GREB1L: variants seen among roughly 807,000 people sequenced by gnomAD.
The protein encoded by GREB1L is GREB1-like protein.
A neutral mutation model predicts 200.8 loss-of-function variants in GREB1L; 17 were observed. That is an observed-to-expected ratio of 0.08 (90% CI 0.06 to 0.13). GREB1L has a LOEUF of 0.13. Among genes scored for constraint, GREB1L ranks in the 10% least tolerant of loss-of-function variants. GREB1L has a pLI of 1.00. For missense variants in GREB1L, 1,657 were observed against 2,367.7 expected (o/e 0.70, Z 6.23); for synonymous variants, 789 against 893.0 (o/e 0.88, Z 2.08).
intron 15 of GREB1L, 181 bp downstream of exon 15, chr18:21,454,744 T>C (rs2034677544): frequency 4.8e-6 from 3 of 619,400 alleles, no homozygotes; most frequent in Middle Eastern, 5.2e-4. Context: ...ACTCTGTCCT[T>C]TTTCCCTCAA....
chr18:21,363,436 AT>A (rs2039612386), intron 1 of GREB1L, among the ~76,000 whole-genome samples: 1 of 151,574 alleles, frequency 6.6e-6, no homozygotes, highest in Admixed American at 6.6e-5. Context: ...ATTGTGTCAG[AT>A]TTTTTTTGTG....
chr18:21,300,679 T>C (rs1037423605), intron 1 of GREB1L, among the ~76,000 whole-genome samples: 1 of 152,216 alleles, frequency 6.6e-6, no homozygotes, highest in African/African-American at 2.4e-5. Flanking sequence ...GTGGCAGGTT[T>C]TATACTAGTA....
In GREB1L at chr18:21,490,298, G is replaced by C. The variant is rs1158330485; in HGVS notation, c.2977G>C (p.Gly993Arg). The C allele has an allele frequency of 9.7e-6, 15 of 1,551,766 alleles. No individual in the cohort carries two copies. Among genetic ancestry groups the C allele is most frequent in the Non-Finnish European group, 1.3e-5 (15 of 1,147,030 alleles). The change falls in exon 19 of 33, where the codon GGG (glycine) becomes CGG (arginine). Residue 993 changes from glycine (G) to arginine (R), a missense_variant. Transcript: ENST00000424526. ...GLQYRFEIIL[G>R]NPATELSVAT... ...GCAGTATCGGTTTGAGATCATCCTT[G>C]GGAACCCGGCCACCGAACTCAGTGT...
At chr18:21,475,854 A>G (rs1352106700) in intron 16 of GREB1L, among the ~76,000 whole-genome samples, 1 of 151,104 alleles carries the variant, frequency 6.6e-6, no homozygotes, top group Admixed American at 6.6e-5. Flanking sequence ...CTGTAATCCC[A>G]GCTACTAGGG....
At chr18:21,395,806 T>C (rs1362841471) in intron 5 of GREB1L, among the ~76,000 whole-genome samples, 1 of 151,678 alleles carries the variant, frequency 6.6e-6, no homozygotes, top group Non-Finnish European at 1.5e-5. Context: ...CTAGGCTCAC[T>C]GCAACCTCTG....
rs1432800128 is a variant in GREB1L at position 21,515,615 on chromosome 18, G to T, written c.5100G>T (p.Leu1700Phe). 1 of 1,551,476 alleles carries T rather than the reference G, an allele frequency of 6.4e-7. No individual in the cohort carries two copies. The change falls in exon 29 of 33, where the codon TTG (leucine) becomes TTT (phenylalanine). Residue 1700 changes from leucine (L) to phenylalanine (F), a missense_variant. This residue lies in a region of GREB1L where 151 missense variants were observed against 309.6 expected (regional missense o/e 0.49). Transcript: ENST00000424526. Reference sequence around the variant, plus strand: ...ATTTCATTCTCCTCAACACAGACTTGACTCAGAATGTGCAGTATGACTTCA... The same window carrying T: ...ATTTCATTCTCCTCAACACAGACTTTACTCAGAATGTGCAGTATGACTTCA... ...VHDFILLNTD[L>F]TQNVQYDFNR...
intron 1 of GREB1L, among the ~76,000 whole-genome samples, chr18:21,342,491 C>G (rs1478517260): frequency 3.3e-5 from 5 of 152,084 alleles, no homozygotes; most frequent in Non-Finnish European, 7.4e-5. Flanking sequence ...TTGCTTTAAG[C>G]TAATCTGCTT....
intron 1 of GREB1L, among the ~76,000 whole-genome samples, chr18:21,278,390 AAATAAATAAAT>A (rs1427874847): frequency 5.6e-4 from 49 of 87,262 alleles, no homozygotes; most frequent in African/African-American, 2.3e-3. Context: ...CAAAAAAAAA[AAATAAATAAAT>A]AAATAAATAA....
At chr18:21,377,891 C>A (rs1421970466) in intron 2 of GREB1L, among the ~76,000 whole-genome samples, 1 of 151,956 alleles carries the variant, frequency 6.6e-6, no homozygotes, top group African/African-American at 2.4e-5. Flanking sequence ...GCCTGGGCAA[C>A]AAGAGTATAA....
At chr18:21,409,713 A>G (rs543701357) in intron 7 of GREB1L, among the ~76,000 whole-genome samples, 39 of 152,296 alleles carry the variant, frequency 2.6e-4, no homozygotes, top group Non-Finnish European at 3.8e-4. Context: ...GAGTTCTGCT[A>G]TTAAGATACT....
intron 32 of GREB1L, among the ~76,000 whole-genome samples, chr18:21,521,239 G>A (rs1345160392): frequency 6.6e-6 from 1 of 151,418 alleles, no homozygotes; most frequent in East Asian, 1.9e-4. Flanking sequence ...GCCGGGCGTG[G>A]TGGCTCCTGT....
intron 1 of GREB1L, among the ~76,000 whole-genome samples, chr18:21,289,244 A>T (rs1253913105): frequency 6.6e-6 from 1 of 152,090 alleles, no homozygotes; most frequent in Non-Finnish European, 1.5e-5. Context: ...ACCAGAGAGG[A>T]TCTTCTGTAA....
chr18:21,504,107 T>C (rs981681478), intron 23 of GREB1L, among the ~76,000 whole-genome samples: 2 of 152,010 alleles, frequency 1.3e-5, no homozygotes, highest in African/African-American at 4.8e-5. Context: ...CTAATTTTGG[T>C]ATTTTTGGTA....
chr18:21,426,975 AAAAAAAAAAAAAC>A (rs1229313820), intron 7 of GREB1L, among the ~76,000 whole-genome samples: 3 of 77,152 alleles, frequency 3.9e-5, no homozygotes, highest in African/African-American at 1.2e-4. Context: ...AAAAAAAACA[AAAAAAAAAAAAAC>A]AAAAAAAAAA....
At chr18:21,456,949 T>G (rs1444023547) in intron 15 of GREB1L, among the ~76,000 whole-genome samples, 1 of 152,200 alleles carries the variant, frequency 6.6e-6, no homozygotes, top group Non-Finnish European at 1.5e-5. Context: ...GTATTTTACT[T>G]GTACCATTTG....
intron 1 of GREB1L, among the ~76,000 whole-genome samples, chr18:21,333,068 G>C (rs1480022165): frequency 1.3e-5 from 2 of 151,996 alleles, no homozygotes; most frequent in Non-Finnish European, 2.9e-5. Context: ...CTGGGTGACA[G>C]AGACCCTATG....
chr18:21,491,741 G>A (rs2145863813), intron 19 of GREB1L, among the ~76,000 whole-genome samples: 1 of 151,668 alleles, frequency 6.6e-6, no homozygotes, highest in East Asian at 1.9e-4. Flanking sequence ...TTCTGGAGAT[G>A]TAAATCTTCT....
rs1175669223 is a variant in GREB1L at position 21,444,303 on chromosome 18, T to A, written c.1287T>A (p.Ile429=). 3.7e-5 allele frequency: 58 copies of A among 1,551,662 alleles called. No homozygotes were observed. The highest frequency in any genetic ancestry group is 5.1e-5 in the Non-Finnish European group (58 of 1,146,788). The change falls in exon 11 of 33, where the codon ATT becomes ATA. Residue 429 remains isoleucine, a synonymous_variant. Transcript: ENST00000424526. ...CTCTGCTGGTGAATTGCTACAAGAT[T>A]CCACAGTTGGAAAACAAAGATTTGG... The part of the protein sequence containing the change: ...VSPLLVNCYK[I]PQLENKDLEK...
rs550454362 is a variant in GREB1L at position 21,357,219 on chromosome 18, T to C, written c.-119-8808T>C. On this transcript the variant is annotated intron_variant, in intron 1 of 32. Transcript: ENST00000424526. Reference sequence around the variant, plus strand: ...ACAGGTGCATACCACGACGTCTGGTTATTTTTGTATTTTTAGTAGAGACAG... The same window carrying C: ...ACAGGTGCATACCACGACGTCTGGTCATTTTTGTATTTTTAGTAGAGACAG... Among the ~76,000 whole-genome samples the C allele has an allele frequency of 7.2e-5, 11 of 152,260 alleles. No individual in the cohort carries two copies. In the South Asian group the frequency reaches 1.0e-3, roughly 14 times the overall value.
Sources: allele counts gnomAD v4.1 joint callset (sites outside exome capture counted in the v4.1 genomes callset), GRCh38; gene constraint gnomAD v4.1.1; regional missense constraint gnomAD v4.1.1; transcripts MANE v1.5; gene names NCBI Gene and HGNC (gene_info 2026-07-23, HGNC 2026-07-21).